WTAP: variants seen among roughly 807,000 people sequenced by gnomAD.
WTAP encodes pre-mRNA-splicing regulator WTAP.
A neutral mutation model predicts 50.0 loss-of-function variants in WTAP; 8 were observed. That is an observed-to-expected ratio of 0.16 (90% CI 0.09 to 0.29). The LOEUF (loss-of-function observed/expected upper bound fraction) is 0.29. Ranked by LOEUF, WTAP falls within the 10% of genes least tolerant of loss-of-function variation. The pLI is 1.00. For synonymous variants in WTAP, 194 were observed against 169.0 expected (o/e 1.15, Z -1.15); for missense variants, 295 against 470.7 (o/e 0.63, Z 3.45).
chr6:159,726,881 G>GCGGCTCGCCGCCCA (rs1214106687), upstream of WTAP: 1 of 1,289,194 alleles, frequency 7.8e-7, no homozygotes, highest in Non-Finnish European at 1.0e-6. Flanking sequence ...GTAAACGCCC[G>GCGGCTCGCCGCCCA]CGGCTCGCCG....
At chr6:159,752,791 C>T (rs1236978760) in intron 6 of WTAP, among the ~76,000 whole-genome samples, 5 of 152,112 alleles carry the variant, frequency 3.3e-5, no homozygotes, top group Non-Finnish European at 5.9e-5. Flanking sequence ...TCCCTGTTTC[C>T]GAAGCTGGAA....
At chr6:159,744,515 A>G (rs1054907757) in intron 5 of WTAP, among the ~76,000 whole-genome samples, 2 of 104,038 alleles carry the variant, frequency 1.9e-5, no homozygotes, top group Non-Finnish European at 4.0e-5. Context: ...CCAAAAATCT[A>G]TGGGCACAGT....
upstream of WTAP, chr6:159,727,373 C>CAGGCGGG: frequency 1.6e-6 from 1 of 623,036 alleles, no homozygotes; most frequent in Non-Finnish European, 2.1e-6. Flanking sequence ...AGCGGGGAGG[C>CAGGCGGG]TGGCGGGAGG....
intron 1 of WTAP, among the ~76,000 whole-genome samples, chr6:159,733,180 GAAT>G (rs1778693963): frequency 2.1e-5 from 1 of 47,258 alleles, no homozygotes; most frequent in Admixed American, 3.4e-4. Flanking sequence ...AAGAAAAAAA[GAAT>G]AATATACATT....
intron 5 of WTAP, among the ~76,000 whole-genome samples, chr6:159,744,666 T>C (rs1301436428): frequency 6.6e-6 from 1 of 152,208 alleles, no homozygotes; most frequent in Non-Finnish European, 1.5e-5. Flanking sequence ...CTTCTTCACA[T>C]TTTACTTTGC....
At chr6:159,727,748 G>C in intron 1 of WTAP, 45 bp downstream of exon 1, 2 of 983,882 alleles carry the variant, frequency 2.0e-6, no homozygotes, top group South Asian at 4.7e-5. Flanking sequence ...GGGACCTCCG[G>C]GGCCTGAGGG....
intron 1 of WTAP, among the ~76,000 whole-genome samples, chr6:159,728,786 A>T (rs1287163954): frequency 2.0e-5 from 3 of 152,214 alleles, no homozygotes; most frequent in African/African-American, 7.2e-5. Flanking sequence ...TTACATTTTA[A>T]GGGTTTGGGT....
chr6:159,744,423 C>T (rs1033873851), intron 5 of WTAP, among the ~76,000 whole-genome samples: 2 of 152,116 alleles, frequency 1.3e-5, no homozygotes, highest in African/African-American at 2.4e-5. Flanking sequence ...TCTTTGTGTA[C>T]TCTCCCTTCA....
chr6:159,739,125 C>T, intron 3 of WTAP, 80 bp downstream of exon 3: 1 of 1,174,920 alleles, frequency 8.5e-7, no homozygotes, highest in Middle Eastern at 2.0e-4. Flanking sequence ...GTCTTTGTGC[C>T]AGATATTGTT....
In WTAP at chr6:159,743,723, G is replaced by A. The variant is rs1230687873; in HGVS notation, c.204G>A (p.Glu68=). The change falls in exon 5 of 8, where the codon GAG becomes GAA. Residue 68 remains glutamate (E), a synonymous_variant. Coordinates refer to ENST00000621533, the MANE Select transcript of WTAP (RefSeq NM_001270531.2). ...AAAAACTAAAGCAACAACAGCAGGA[G>A]TCTGCACGCAGGGAAAACATCCTTG... ...SEEKLKQQQQ[E]SARRENILVM... 6.2e-7 allele frequency: 1 copy of A among 1,613,724 alleles called. No individual in the cohort carries two copies. Among genetic ancestry groups the A allele is most frequent in the Non-Finnish European group, 8.5e-7 (1 of 1,179,802 alleles).
chr6:159,744,604 T>C (rs767600845), intron 5 of WTAP, among the ~76,000 whole-genome samples: 14 of 152,258 alleles, frequency 9.2e-5, no homozygotes, highest in African/African-American at 2.2e-4. Flanking sequence ...AGAGATTGTT[T>C]AAATTTCCAC....
At chr6:159,732,323 C>G (rs1778622461) in intron 1 of WTAP, among the ~76,000 whole-genome samples, 1 of 152,008 alleles carries the variant, frequency 6.6e-6, no homozygotes. Context: ...GGTAGGATGC[C>G]TTAGTAACTA....
intron 6 of WTAP, among the ~76,000 whole-genome samples, chr6:159,752,437 T>C (rs892456634): frequency 1.3e-5 from 2 of 152,150 alleles, no homozygotes; most frequent in African/African-American, 4.8e-5. Context: ...AGCAGTAAAA[T>C]TTTATTGGGA....
Position 159,753,231 on chromosome 6 carries a change from G to T in WTAP, c.453-229G>T. The T allele has an allele frequency of 9.3e-6, 5 of 538,952 alleles. No homozygotes were observed. The South Asian group carries it at 1.0e-4, about 11-fold the overall frequency. The allele number at this position is 538,952 out of a possible 1,614,324, so 33.4% of individuals were successfully genotyped here. A position where few individuals can be genotyped will look rare whatever the true frequency, so the allele number is the denominator to read the frequency against. On this transcript the variant is annotated intron_variant, in intron 6 of 7. Coordinates refer to ENST00000621533, the MANE Select transcript of WTAP (RefSeq NM_001270531.2). Reference sequence around the variant, plus strand: ...TGATTATTGATGTAATAGAAACAAGGTGTAGCTGTTTGGGCACTTTTTGTT... The same window carrying T: ...TGATTATTGATGTAATAGAAACAAGTTGTAGCTGTTTGGGCACTTTTTGTT...
chr6:159,735,011 C>T (rs2114890519), intron 1 of WTAP, among the ~76,000 whole-genome samples: 1 of 152,148 alleles, frequency 6.6e-6, no homozygotes, highest in Middle Eastern at 3.4e-3. Context: ...ATTCATTAAC[C>T]TATCTTTGAA....
chr6:159,741,697 C>G, intron 3 of WTAP: 1 of 168,356 alleles, frequency 5.9e-6, no homozygotes. Flanking sequence ...ATCAGTTAAA[C>G]TAGATTTAGG....
At chr6:159,745,661 A>C (rs1297345043) in intron 5 of WTAP, among the ~76,000 whole-genome samples, 2 of 152,170 alleles carry the variant, frequency 1.3e-5, no homozygotes, top group Non-Finnish European at 2.9e-5. Flanking sequence ...AAGAGAGGGG[A>C]CTACTGAAGA....
chr6:159,729,077 ACAATGTG>A, intron 1 of WTAP, among the ~76,000 whole-genome samples: 1 of 152,350 alleles, frequency 6.6e-6, no homozygotes, highest in African/African-American at 2.4e-5. Context: ...GAGATGAAAC[ACAATGTG>A]TAAAAAGCCC....
chr6:159,743,944 A>C (rs1443214065), intron 5 of WTAP, 152 bp downstream of exon 5: 3 of 911,474 alleles, frequency 3.3e-6, no homozygotes, highest in Non-Finnish European at 4.4e-6. Context: ...CTAGATGAAA[A>C]ATTTTGATAA....
Sources: allele counts gnomAD v4.1 joint callset (sites outside exome capture counted in the v4.1 genomes callset), GRCh38; gene constraint gnomAD v4.1.1; transcripts MANE v1.5; gene names NCBI Gene and HGNC (gene_info 2026-07-23, HGNC 2026-07-21).